ADAMTSL1: variants seen among roughly 807,000 people sequenced by gnomAD.
The protein encoded by ADAMTSL1 is ADAMTS like 1, also known as ADAMTS-like protein 1.
In ADAMTSL1, 126 loss-of-function variants were observed where a neutral mutation model predicts 201.8. The observed-to-expected ratio is 0.62, with a 90% CI of 0.54 to 0.72. The LOEUF is 0.72. Among genes scored for constraint, ADAMTSL1 ranks in the 30% least tolerant of loss-of-function variants. ADAMTSL1 has a pLI of 0.00. For synonymous variants in ADAMTSL1, 1,121 were observed against 903.4 expected (o/e 1.24, Z -4.32); for missense variants, 2,679 against 2,277.8 (o/e 1.18, Z -3.59).
chr9:18,060,167 C>A (rs1370940140), intron 1 of ADAMTSL1, among the ~76,000 whole-genome samples: 1 of 152,040 alleles, frequency 6.6e-6, no homozygotes, highest in Non-Finnish European at 1.5e-5. Context: ...TGTGTATGTA[C>A]CTAAGGATGT....
intron 1 of ADAMTSL1, among the ~76,000 whole-genome samples, chr9:18,080,384 A>G (rs1332625730): frequency 1.3e-5 from 2 of 152,202 alleles, no homozygotes; most frequent in African/African-American, 2.4e-5. Context: ...TACCTACAAG[A>G]TGCCTCTGAG....
intron 12 of ADAMTSL1, among the ~76,000 whole-genome samples, chr9:18,683,894 T>C (rs1191074139): frequency 2.0e-5 from 3 of 152,222 alleles, no homozygotes; most frequent in Non-Finnish European, 4.4e-5. Context: ...GACATATTTC[T>C]TTCATCTTTG....
intron 1 of ADAMTSL1, among the ~76,000 whole-genome samples, chr9:18,036,507 G>C (rs942330218): frequency 6.6e-6 from 1 of 152,132 alleles, no homozygotes; most frequent in Non-Finnish European, 1.5e-5. Context: ...TTGTGGCTGT[G>C]GAGCAGGCAC....
At chr9:18,420,010 G>A (rs1818870373) in intron 2 of ADAMTSL1, among the ~76,000 whole-genome samples, 1 of 152,116 alleles carries the variant, frequency 6.6e-6, no homozygotes, top group South Asian at 2.1e-4. Flanking sequence ...TTACAGGTGT[G>A]AGCCACCGTG....
intron 2 of ADAMTSL1, among the ~76,000 whole-genome samples, chr9:18,331,316 A>G (rs566991021): frequency 6.6e-6 from 1 of 152,290 alleles, no homozygotes; most frequent in African/African-American, 2.4e-5. Flanking sequence ...AAGAGCCATA[A>G]AAAGTCTTTG....
chr9:18,811,394 G>A (rs751317159), intron 20 of ADAMTSL1, among the ~76,000 whole-genome samples: 10 of 151,976 alleles, frequency 6.6e-5, no homozygotes, highest in Admixed American at 1.3e-4. Context: ...AGGTCTCCTG[G>A]AGAGTGAGGA....
intron 1 of ADAMTSL1, among the ~76,000 whole-genome samples, chr9:18,079,072 T>C (rs955147214): frequency 5.3e-5 from 8 of 152,240 alleles, no homozygotes; most frequent in Non-Finnish European, 7.4e-5. Flanking sequence ...AGTGGCCCCA[T>C]AGATGCAGCC....
At chr9:18,197,665 C>G (rs1302190053) in intron 2 of ADAMTSL1, among the ~76,000 whole-genome samples, 3 of 149,836 alleles carry the variant, frequency 2.0e-5, no homozygotes, top group East Asian at 3.9e-4. Context: ...ATTGAATACC[C>G]TTTATTTCCT....
At chr9:17,986,156 G>C (rs1042754131) in intron 1 of ADAMTSL1, among the ~76,000 whole-genome samples, 2 of 152,066 alleles carry the variant, frequency 1.3e-5, no homozygotes, top group African/African-American at 4.8e-5. Flanking sequence ...GAGTTCATAA[G>C]TACAGAATGG....
chr9:18,406,384 G>A (rs74556010), intron 2 of ADAMTSL1, among the ~76,000 whole-genome samples: 6 of 136,556 alleles, frequency 4.4e-5, no homozygotes, highest in East Asian at 4.3e-4. Flanking sequence ...GCTGGAGTGC[G>A]GTGGCATGAT....
At chr9:18,365,612 A>G (rs1836731773) in intron 2 of ADAMTSL1, among the ~76,000 whole-genome samples, 1 of 152,138 alleles carries the variant, frequency 6.6e-6, no homozygotes, top group African/African-American at 2.4e-5. Context: ...GGAAAGAGGA[A>G]CAAGAGCAGT....
At chr9:18,324,552 G>A (rs1586896614) in intron 2 of ADAMTSL1, among the ~76,000 whole-genome samples, 3 of 152,150 alleles carry the variant, frequency 2.0e-5, no homozygotes, top group East Asian at 3.9e-4. Flanking sequence ...ATCACCTGAG[G>A]TTGGGAGTTT....
intron 20 of ADAMTSL1, among the ~76,000 whole-genome samples, chr9:18,795,990 C>A (rs1016367412): frequency 2.0e-5 from 3 of 152,166 alleles, no homozygotes; most frequent in African/African-American, 7.2e-5. Flanking sequence ...TTCCCCAGTA[C>A]TTCTCTCTGA....
intron 1 of ADAMTSL1, among the ~76,000 whole-genome samples, chr9:18,132,330 G>T (rs890869321): frequency 6.6e-6 from 1 of 152,008 alleles, no homozygotes; most frequent in Non-Finnish European, 1.5e-5. Context: ...TACCTTTTGC[G>T]TGTGTTTGAA....
chr9:18,010,294 T>G (rs149953004), intron 1 of ADAMTSL1, among the ~76,000 whole-genome samples: 1 of 152,012 alleles, frequency 6.6e-6, no homozygotes, highest in Non-Finnish European at 1.5e-5. Flanking sequence ...CAATAACATA[T>G]AATCAGAAAG....
intron 23 of ADAMTSL1, among the ~76,000 whole-genome samples, chr9:18,856,448 A>G (rs1826852698): frequency 6.7e-6 from 1 of 149,106 alleles, no homozygotes; most frequent in Non-Finnish European, 1.5e-5. Flanking sequence ...TTGTTGCCAA[A>G]TGATAAGAAG....
chr9:18,204,535 A>T (rs1180949478), intron 2 of ADAMTSL1, among the ~76,000 whole-genome samples: 1 of 152,192 alleles, frequency 6.6e-6, no homozygotes, highest in Non-Finnish European at 1.5e-5. Context: ...AGTGATAGAT[A>T]TAGTATGCAC....
At chr9:17,962,915 A>G (rs1024442369) in intron 1 of ADAMTSL1, among the ~76,000 whole-genome samples, 1 of 152,210 alleles carries the variant, frequency 6.6e-6, no homozygotes, top group African/African-American at 2.4e-5. Context: ...GTCGGTTGGT[A>G]TTCAGGGAGC....
At chr9:18,013,488 A>T (rs1820136801) in intron 1 of ADAMTSL1, among the ~76,000 whole-genome samples, 1 of 152,028 alleles carries the variant, frequency 6.6e-6, no homozygotes, top group Non-Finnish European at 1.5e-5. Context: ...AAAGTTTGTA[A>T]ATTTTTAAGT....
Sources: allele counts gnomAD v4.1 joint callset (sites outside exome capture counted in the v4.1 genomes callset), GRCh38; gene constraint gnomAD v4.1.1; transcripts MANE v1.5; gene names NCBI Gene and HGNC (gene_info 2026-07-23, HGNC 2026-07-21).